GALNT14: variants seen among roughly 807,000 people sequenced by gnomAD.
GALNT14 encodes UDP-GalNAc:polypeptide N-acetylgalactosaminyltransferase 14.
GALNT14 carries 60 observed loss-of-function variants against 77.5 expected under a neutral mutation model. The observed-to-expected ratio is 0.77, with a 90% CI of 0.63 to 0.96. The LOEUF is 0.96. GALNT14 is among the 40% of genes least tolerant of loss of function. GALNT14 has a pLI of 0.00. For synonymous variants in GALNT14, 280 were observed against 281.7 expected (o/e 0.99, Z 0.06); for missense variants, 710 against 731.0 (o/e 0.97, Z 0.33).
intron 11 of GALNT14, among the ~76,000 whole-genome samples, 187 bp from the exon 12 acceptor site, chr2:30,925,010 T>C (rs572475420): frequency 1.3e-5 from 2 of 152,326 alleles, no homozygotes; most frequent in South Asian, 2.1e-4. Context: ...GACAGAGCTA[T>C]GGAAACACTT....
intron 1 of GALNT14, among the ~76,000 whole-genome samples, chr2:31,047,324 G>A (rs112381369): frequency 1.2e-4 from 18 of 152,126 alleles, no homozygotes; most frequent in Non-Finnish European, 5.9e-5. Flanking sequence ...TCTGTGGTGT[G>A]GCATCATTCC....
chr2:30,938,384 A>ACACACACTCT lies in GALNT14; in HGVS notation c.931+3816_931+3817insAGAGTGTGTG, dbSNP rs1174119035. ...TACACACACACACACACACACACAC[A>ACACACACTCT]CTCTCTCTCTCTCTCTCTCTCTCTA... On this transcript the variant is annotated intron_variant, in intron 9 of 14. Transcript: ENST00000349752. 1.7e-3 allele frequency among the ~76,000 whole-genome samples: 239 copies of ACACACACTCT among 141,764 alleles called. 1 individual carries two copies. Among genetic ancestry groups the ACACACACTCT allele is most frequent in the Admixed American group, 6.2e-3 (89 of 14,348 alleles). 93.0% of individuals were successfully genotyped at this position (141,764 alleles called of 152,430 possible). A position where few individuals can be genotyped will look rare whatever the true frequency, so the allele number is the denominator to read the frequency against.
chr2:31,078,313 T>C (rs1675936352), intron 1 of GALNT14, among the ~76,000 whole-genome samples: 1 of 152,228 alleles, frequency 6.6e-6, no homozygotes, highest in South Asian at 2.1e-4. Context: ...TTAGCAAGGC[T>C]GTGAAAATGT....
chr2:30,982,090 C>T (rs558175119), intron 2 of GALNT14, among the ~76,000 whole-genome samples: 17 of 152,250 alleles, frequency 1.1e-4, no homozygotes, highest in South Asian at 8.3e-4. Context: ...AACGCTTGCT[C>T]GGGTATGCAA....
At chr2:31,127,828 C>T (rs1171571114) in intron 1 of GALNT14, among the ~76,000 whole-genome samples, 1 of 152,120 alleles carries the variant, frequency 6.6e-6, no homozygotes, top group Non-Finnish European at 1.5e-5. Context: ...TCTGAGCAAA[C>T]GATTAGAAAA....
At chr2:30,949,296 T>C (rs1035881627) in intron 6 of GALNT14, among the ~76,000 whole-genome samples, 2 of 152,066 alleles carry the variant, frequency 1.3e-5, no homozygotes, top group African/African-American at 2.4e-5. Context: ...TCTAAGGACA[T>C]TGTGTCAGTG....
At position 31,080,705 on chromosome 2, in the gene GALNT14, T is replaced by C. The variant is rs557043034; in HGVS notation, c.129+57253A>G. On this transcript the variant is annotated intron_variant, in intron 1 of 14. Transcript: ENST00000349752. ...GTGACCTGTGCAAGTCACTTCATTT[T>C]TACATGAAAGGGTTAGTTTGAGGAT... 7.9e-5 allele frequency among the ~76,000 whole-genome samples: 12 copies of C among 152,330 alleles called. 1 individual carries two copies. The South Asian group carries it at 2.3e-3, about 29-fold the overall frequency.
At chr2:30,987,710 TCCCCCTCCTCCC>T (rs1166943240) in intron 2 of GALNT14, among the ~76,000 whole-genome samples, 1 of 11,610 alleles carries the variant, frequency 8.6e-5, no homozygotes, top group African/African-American at 4.7e-4. Flanking sequence ...TCCTCCTCCC[TCCCCCTCCTCCC>T]CCTCCTCCCC....
chr2:30,998,739 T>C (rs1462190041), intron 1 of GALNT14, among the ~76,000 whole-genome samples: 1 of 152,208 alleles, frequency 6.6e-6, no homozygotes. Flanking sequence ...ACACAGCTTG[T>C]CAATGCTGGA....
At chr2:31,132,018 T>C (rs1038926079) in intron 1 of GALNT14, among the ~76,000 whole-genome samples, 1 of 152,178 alleles carries the variant, frequency 6.6e-6, no homozygotes, top group African/African-American at 2.4e-5. Context: ...ATCAGGTCAC[T>C]TTGGGAAACA....
At chr2:30,971,489 A>G (rs1465881233) in intron 2 of GALNT14, among the ~76,000 whole-genome samples, 1 of 152,032 alleles carries the variant, frequency 6.6e-6, no homozygotes, top group Non-Finnish European at 1.5e-5. Flanking sequence ...CTCATGAGGA[A>G]GGCATGCTTT....
chr2:30,932,244 G>T, intron 9 of GALNT14, 50 bp from the exon 10 acceptor site: 1 of 1,383,688 alleles, frequency 7.2e-7, no homozygotes, highest in Non-Finnish European at 9.4e-7. Flanking sequence ...TGCTGCTGCA[G>T]CTTTGAGGCC....
intron 1 of GALNT14, among the ~76,000 whole-genome samples, chr2:31,108,411 C>T (rs779047747): frequency 5.3e-5 from 8 of 152,318 alleles, no homozygotes; most frequent in South Asian, 2.1e-4. Flanking sequence ...ACACGTCACC[C>T]GCTCAATTAC....
intron 1 of GALNT14, among the ~76,000 whole-genome samples, chr2:31,037,805 C>G (rs1462118889): frequency 1.3e-5 from 2 of 151,664 alleles, no homozygotes; most frequent in Admixed American, 6.6e-5. Flanking sequence ...CTGAGAGGCT[C>G]TGTGTGTGTG....
At chr2:30,910,156 C>T (rs1342330268), downstream of GALNT14, among the ~76,000 whole-genome samples, 1 of 151,256 alleles carries the variant, frequency 6.6e-6, no homozygotes, top group Non-Finnish European at 1.5e-5. Flanking sequence ...CACATGTATA[C>T]ATATGTAACT....
At chr2:31,032,586 C>A (rs1031525919) in intron 1 of GALNT14, among the ~76,000 whole-genome samples, 8 of 152,132 alleles carry the variant, frequency 5.3e-5, no homozygotes, top group Non-Finnish European at 1.0e-4. Flanking sequence ...CTGAGCAGCC[C>A]AGAGGTCCAT....
At chr2:31,129,373 C>A in intron 1 of GALNT14, 1 of 985,314 alleles carries the variant, frequency 1.0e-6, no homozygotes, top group African/African-American at 1.7e-5. Context: ...AAAAAAGCTA[C>A]CTCTTATCTT....
chr2:31,100,190 G>A lies in GALNT14; in HGVS notation c.129+37768C>T, dbSNP rs555077790. Reference sequence around the variant, plus strand: ...CACTTAACATCATTGATAGGTGGTTGGAAACTGTGACTTTAAGCACAATGA... The same window carrying A: ...CACTTAACATCATTGATAGGTGGTTAGAAACTGTGACTTTAAGCACAATGA... On this transcript the variant is annotated intron_variant, in intron 1 of 14. Transcript: ENST00000349752. Among the ~76,000 whole-genome samples, 14 of 151,978 alleles carry A rather than the reference G, an allele frequency of 9.2e-5. No homozygotes were observed. In the South Asian group the frequency reaches 2.9e-3, roughly 32 times the overall value.
At chr2:31,125,299 C>T in intron 1 of GALNT14, 1 of 1,311,006 alleles carries the variant, frequency 7.6e-7, no homozygotes, top group Non-Finnish European at 1.1e-6. Context: ...ATTTCTTTGG[C>T]AATTAATAGC....
Sources: allele counts gnomAD v4.1 joint callset (sites outside exome capture counted in the v4.1 genomes callset), GRCh38; gene constraint gnomAD v4.1.1; transcripts MANE v1.5; gene names NCBI Gene and HGNC (gene_info 2026-07-23, HGNC 2026-07-21).